PDSS2: variants seen among roughly 807,000 people sequenced by gnomAD.
The protein encoded by PDSS2 is all trans-polyprenyl-diphosphate synthase PDSS2.
A neutral mutation model predicts 44.5 loss-of-function variants in PDSS2; 31 were observed. That is an observed-to-expected ratio of 0.70 (90% CI 0.52 to 0.94). The LOEUF (loss-of-function observed/expected upper bound fraction) is 0.94, where lower values mean the gene tolerates loss of function less well. Among genes scored for constraint, PDSS2 ranks in the 40% least tolerant of loss-of-function variants. The probability of loss-of-function intolerance (pLI) is 0.00; values close to 1 mark genes in which losing one functional copy is unlikely to be tolerated. For missense variants in PDSS2, 452 were observed against 482.2 expected, an observed-to-expected ratio of 0.94 and a Z score of 0.59; for synonymous variants, 157 against 180.3, an observed-to-expected ratio of 0.87 and a Z score of 1.03.
chr6:107,187,130 C>A (rs1016940164), intron 7 of PDSS2, among the ~76,000 whole-genome samples: 10 of 152,182 alleles, frequency 6.6e-5, no homozygotes, highest in African/African-American at 2.4e-4. Flanking sequence ...CTGCAGACAT[C>A]TCCCCAAGAC....
At chr6:107,221,556 T>C (rs1773609476) in intron 4 of PDSS2, among the ~76,000 whole-genome samples, 1 of 152,146 alleles carries the variant, frequency 6.6e-6, no homozygotes, top group South Asian at 2.1e-4. Context: ...TTTTTAAATG[T>C]AGGTCTCACT....
At chr6:107,176,519 C>T (rs1465244281) in intron 7 of PDSS2, among the ~76,000 whole-genome samples, 1 of 151,974 alleles carries the variant, frequency 6.6e-6, no homozygotes, top group African/African-American at 2.4e-5. Flanking sequence ...ATCAATTTTA[C>T]TGTTTTCTAA....
intron 4 of PDSS2, among the ~76,000 whole-genome samples, chr6:107,232,055 C>T (rs562756497): frequency 3.3e-5 from 5 of 152,194 alleles, no homozygotes; most frequent in South Asian, 2.1e-4. Context: ...TCTCAAGACA[C>T]GGGTACCTGA....
intron 7 of PDSS2, among the ~76,000 whole-genome samples, chr6:107,155,625 G>C (rs1342599583): frequency 1.3e-5 from 2 of 150,458 alleles, no homozygotes; most frequent in Non-Finnish European, 2.9e-5. Context: ...CTGTTGCCAG[G>C]CTGGAGTGCA....
intron 7 of PDSS2, among the ~76,000 whole-genome samples, chr6:107,168,003 C>G (rs1455847296): frequency 1.3e-5 from 2 of 152,256 alleles, no homozygotes; most frequent in African/African-American, 4.8e-5. Flanking sequence ...CCGCTTGGTG[C>G]AGAGCTGAGT....
At chr6:107,286,626 A>G (rs2115000626) in intron 2 of PDSS2, among the ~76,000 whole-genome samples, 1 of 152,278 alleles carries the variant, frequency 6.6e-6, no homozygotes, top group South Asian at 2.1e-4. Flanking sequence ...AATATATGTG[A>G]AGCTTACCCA....
At chr6:107,251,892 G>A (rs995446561) in intron 3 of PDSS2, among the ~76,000 whole-genome samples, 1 of 152,182 alleles carries the variant, frequency 6.6e-6, no homozygotes, top group Non-Finnish European at 1.5e-5. Context: ...GATTTATATT[G>A]CCAAGATAAG....
At chr6:107,393,656 C>G (rs1779853763) in intron 1 of PDSS2, among the ~76,000 whole-genome samples, 2 of 152,124 alleles carry the variant, frequency 1.3e-5, no homozygotes. Context: ...AGTTTTTGCT[C>G]CATGTACTTC....
chr6:107,337,754 T>C (rs1391928092), intron 1 of PDSS2, among the ~76,000 whole-genome samples: 2 of 152,184 alleles, frequency 1.3e-5, no homozygotes, highest in East Asian at 3.8e-4. Context: ...TCTACTAGCA[T>C]ATATAATCTC....
chr6:107,362,350 C>T (rs758717667), intron 1 of PDSS2, among the ~76,000 whole-genome samples: 3 of 152,198 alleles, frequency 2.0e-5, no homozygotes, highest in Non-Finnish European at 2.9e-5. Context: ...GGAAGTCTCA[C>T]TGTCTTAAGG....
intron 3 of PDSS2, among the ~76,000 whole-genome samples, chr6:107,247,113 C>T (rs1001964340): frequency 3.3e-5 from 5 of 152,140 alleles, no homozygotes; most frequent in African/African-American, 9.7e-5. Flanking sequence ...TAACTAAACG[C>T]ACAGCATCAG....
intron 5 of PDSS2, among the ~76,000 whole-genome samples, chr6:107,211,145 A>G (rs910413674): frequency 2.0e-5 from 3 of 152,050 alleles, no homozygotes; most frequent in Non-Finnish European, 4.4e-5. Flanking sequence ...AATAAATAGA[A>G]TTGCTTAATA....
chr6:107,182,609 AC>A (rs1426086727), intron 7 of PDSS2, among the ~76,000 whole-genome samples: 1 of 152,010 alleles, frequency 6.6e-6, no homozygotes, highest in Non-Finnish European at 1.5e-5. Context: ...ACAGGCATAA[AC>A]CACCACACCC....
intron 4 of PDSS2, among the ~76,000 whole-genome samples, chr6:107,220,901 C>T (rs536702769): frequency 1.3e-5 from 2 of 152,178 alleles, no homozygotes; most frequent in South Asian, 4.1e-4. Context: ...ACTAAGAGAG[C>T]ATGCTCTATT....
At chr6:107,269,928 A>ATTATT (rs1775540912) in intron 3 of PDSS2, among the ~76,000 whole-genome samples, 1 of 151,998 alleles carries the variant, frequency 6.6e-6, no homozygotes, top group South Asian at 2.1e-4. Context: ...TAGCCTCCCA[A>ATTATT]AGTGCTGGAA....
chr6:107,334,925 G>A (rs1455813668), intron 1 of PDSS2, among the ~76,000 whole-genome samples: 3 of 151,972 alleles, frequency 2.0e-5, no homozygotes, highest in Non-Finnish European at 2.9e-5. Flanking sequence ...GGGGGGCCAA[G>A]GTGGTCAGAT....
intron 2 of PDSS2, among the ~76,000 whole-genome samples, chr6:107,300,984 C>T (rs1015746615): frequency 6.6e-6 from 1 of 152,068 alleles, no homozygotes; most frequent in South Asian, 2.1e-4. Context: ...TTAATCTTCC[C>T]GCACCACTTT....
intron 1 of PDSS2, among the ~76,000 whole-genome samples, chr6:107,413,070 C>A (rs566511015): frequency 1.3e-4 from 20 of 152,194 alleles, no homozygotes; most frequent in Non-Finnish European, 2.5e-4. Flanking sequence ...GTTTTAATAT[C>A]AGGAAGGTCA....
intron 2 of PDSS2, 64 bp from the exon 3 acceptor site, chr6:107,274,291 T>C (rs1465792686): frequency 7.7e-7 from 1 of 1,290,966 alleles, no homozygotes; most frequent in Admixed American, 1.7e-5. Context: ...AATGTCTGAT[T>C]TCAGTTTTCA....
Sources: allele counts gnomAD v4.1 joint callset (sites outside exome capture counted in the v4.1 genomes callset), GRCh38; gene constraint gnomAD v4.1.1; transcripts MANE v1.5; gene names NCBI Gene and HGNC (gene_info 2026-07-23, HGNC 2026-07-21).